Variants in GM2A observed in about 807,000 individuals in gnomAD.
The protein encoded by GM2A is GM2 ganglioside activator.
In GM2A, 7 loss-of-function variants were observed where a neutral mutation model predicts 12.9. The observed-to-expected ratio is 0.54, with a 90% CI of 0.31 to 1.02. The LOEUF is 1.02. Among genes scored for constraint, GM2A ranks in the 50% least tolerant of loss-of-function variants. GM2A has a pLI of 0.05. For missense variants in GM2A, 246 were observed against 241.0 expected (o/e 1.02, Z -0.14); for synonymous variants, 101 against 96.0 (o/e 1.05, Z -0.30).
In GM2A at chr5:151,267,406, G is replaced by A; in HGVS notation, c.537G>A (p.Lys179=). The part of the protein sequence containing the change: ...RIESVLSSSG[K]RLGCIKIAAS... Reference sequence around the variant, plus strand: ...AGAGCGTCCTGAGCAGCAGTGGGAAGCGTCTGGGCTGCATCAAGATCGCTG... The same window carrying A: ...AGAGCGTCCTGAGCAGCAGTGGGAAACGTCTGGGCTGCATCAAGATCGCTG... Residue 179 remains lysine, a synonymous_variant, in exon 4 of 4, where the codon AAG becomes AAA. Coordinates refer to ENST00000357164, the MANE Select transcript of GM2A (RefSeq NM_000405.5). 1.2e-6 allele frequency: 2 copies of A among 1,614,208 alleles called. No individual in the cohort carries two copies. Among genetic ancestry groups the A allele is most frequent in the Non-Finnish European group, 1.7e-6 (2 of 1,180,044 alleles).
At chr5:151,254,185 C>T (rs183556394) in intron 1 of GM2A, among the ~76,000 whole-genome samples, 2 of 152,266 alleles carry the variant, frequency 1.3e-5, no homozygotes, top group East Asian at 3.9e-4. Flanking sequence ...ATTTCCATAT[C>T]TTAGCTATTG....
At chr5:151,265,073 G>A (rs1042342574) in intron 2 of GM2A, among the ~76,000 whole-genome samples, 1 of 152,130 alleles carries the variant, frequency 6.6e-6, no homozygotes, top group Non-Finnish European at 1.5e-5. Flanking sequence ...GGCAGAACTA[G>A]CATTCCAACC....
At chr5:151,258,246 G>A (rs964234992) in intron 1 of GM2A, among the ~76,000 whole-genome samples, 3 of 152,234 alleles carry the variant, frequency 2.0e-5, no homozygotes, top group African/African-American at 4.8e-5. Flanking sequence ...AGGCTAGGAC[G>A]CTAATGGCTC....
At chr5:151,265,837 G>C (rs1561619702) in intron 2 of GM2A, among the ~76,000 whole-genome samples, 2 of 152,198 alleles carry the variant, frequency 1.3e-5, no homozygotes, top group Non-Finnish European at 2.9e-5. Context: ...CTGAGTCAGG[G>C]AGCCCGTACT....
At position 151,258,269 on chromosome 5, in the gene GM2A, G is replaced by A. The variant is rs142095687; in HGVS notation, c.82-1486G>A. On this transcript the variant is annotated intron_variant, in intron 1 of 3. Coordinates refer to ENST00000357164, the MANE Select transcript of GM2A (RefSeq NM_000405.5). Reference sequence around the variant, plus strand: ...ACGCTAATGGCTCCTTTAGTGAGCCGGCTCCCGTGTTGTGCCTGGCATTGG... The same window carrying A: ...ACGCTAATGGCTCCTTTAGTGAGCCAGCTCCCGTGTTGTGCCTGGCATTGG... Among the ~76,000 whole-genome samples, 306 of 152,342 alleles carry A rather than the reference G, an allele frequency of 2.0e-3. 2 individuals carry two copies. The highest frequency in any genetic ancestry group is 7.1e-3 in the African/African-American group (294 of 41,576).
rs1343456811 is a variant in GM2A, at chr5:151,267,881, C to A, written c.*430C>A. 1 of 1,149,434 alleles carries A rather than the reference C, an allele frequency of 8.7e-7. No individual in the cohort carries two copies. The allele number at this position is 1,149,434 out of a possible 1,614,324, so 71.2% of individuals were successfully genotyped here. A position where few individuals can be genotyped will look rare whatever the true frequency, so the allele number is the denominator to read the frequency against. On this transcript the variant is annotated 3_prime_UTR_variant, in exon 4 of 4. Transcript: ENST00000357164. ...ATTAACGTTTTTGTTCTCCTCCGGCCCCCTGTTACAATGAAGGGGCAAAAG... is the reference window on the plus strand; with the variant it reads ...ATTAACGTTTTTGTTCTCCTCCGGCACCCTGTTACAATGAAGGGGCAAAAG...
intron 2 of GM2A, among the ~76,000 whole-genome samples, chr5:151,261,386 A>T (rs1753795535): frequency 6.6e-6 from 1 of 152,100 alleles, no homozygotes; most frequent in Non-Finnish European, 1.5e-5. Flanking sequence ...TTATATAACA[A>T]GTCTATTGTT....
chr5:151,253,265 C>T lies in GM2A; in HGVS notation c.49C>T (p.Leu17Phe). 1 of 1,613,900 alleles carries T rather than the reference C, an allele frequency of 6.2e-7. No homozygotes were observed. Among genetic ancestry groups the T allele is most frequent in the Non-Finnish European group, 8.5e-7 (1 of 1,179,856 alleles). Reference sequence around the variant, plus strand: ...CCTCCTGATCGCCCTGGGCTTGCTTCTCGCGGCCCCTGCGCAAGCCCACCT... The same window carrying T: ...CCTCCTGATCGCCCTGGGCTTGCTTTTCGCGGCCCCTGCGCAAGCCCACCT... ...APLLIALGLL[L>F]AAPAQAHLKK... The change falls in exon 1 of 4, where the codon CTC (leucine) becomes TTC (phenylalanine). Residue 17 changes from leucine (L) to phenylalanine (F), a missense_variant. Transcript: ENST00000357164.
intron 1 of GM2A, among the ~76,000 whole-genome samples, chr5:151,256,986 T>G (rs1753701510): frequency 6.6e-6 from 1 of 152,190 alleles, no homozygotes; most frequent in South Asian, 2.1e-4. Flanking sequence ...AATAGCCCTG[T>G]GAGAAGATAT....
intron 2 of GM2A, among the ~76,000 whole-genome samples, chr5:151,261,445 T>C (rs1247597955): frequency 3.3e-5 from 5 of 151,646 alleles, no homozygotes; most frequent in Non-Finnish European, 7.4e-5. Context: ...TGTTTGTTTA[T>C]TTGTTTGTTT....
At chr5:151,264,074 G>A (rs1753842510) in intron 2 of GM2A, among the ~76,000 whole-genome samples, 1 of 152,170 alleles carries the variant, frequency 6.6e-6, no homozygotes, top group African/African-American at 2.4e-5. Flanking sequence ...CAGCCTGTGG[G>A]ACCCTGGTTT....
At chr5:151,266,654 C>G (rs1161324406) in intron 2 of GM2A, 77 bp from the exon 3 acceptor site, 2 of 1,049,932 alleles carry the variant, frequency 1.9e-6, no homozygotes, top group Admixed American at 3.5e-5. Flanking sequence ...TTTTTGAAGA[C>G]AGAAGAGCTG....
chr5:151,268,400 A>G lies in GM2A; in HGVS notation c.*949A>G. On this transcript the variant is annotated 3_prime_UTR_variant, in exon 4 of 4. Transcript: ENST00000357164. ...GATCTCTTGACCTCGTGATCTGTCC[A>G]CCTTGGCCTTGCAAAGCGCTGGATT... 3.5e-6 allele frequency: 3 copies of G among 866,592 alleles called. No individual in the cohort carries two copies. Among genetic ancestry groups the G allele is most frequent in the Non-Finnish European group, 2.8e-6 (2 of 721,636 alleles). The allele number at this position is 866,592 out of a possible 1,614,324, so 53.7% of individuals were successfully genotyped here.
At position 151,270,050 on chromosome 5, in the gene GM2A, A is replaced by G; in HGVS notation, c.*2599A>G. On this transcript the variant is annotated 3_prime_UTR_variant, in exon 4 of 4. Transcript: ENST00000357164. ...ATTCTTGACCGAATCTCAGTAGCTCAGTTAATCTTTTTATGTCTGCTCTGC... is the reference window on the plus strand; with the variant it reads ...ATTCTTGACCGAATCTCAGTAGCTCGGTTAATCTTTTTATGTCTGCTCTGC... 6 of 1,230,528 alleles carry G rather than the reference A, an allele frequency of 4.9e-6. No homozygotes were observed. Among genetic ancestry groups the G allele is most frequent in the African/African-American group, 1.5e-5 (1 of 64,520 alleles). The allele number at this position is 1,230,528 out of a possible 1,614,324, so 76.2% of individuals were successfully genotyped here. A position where few individuals can be genotyped will look rare whatever the true frequency, so the allele number is the denominator to read the frequency against.
chr5:151,253,973 G>C (rs1236090866), intron 1 of GM2A, among the ~76,000 whole-genome samples: 2 of 152,210 alleles, frequency 1.3e-5, no homozygotes, highest in African/African-American at 4.8e-5. Flanking sequence ...GCTTATTGCA[G>C]CTAGCCCAAT....
chr5:151,260,867 G>A (rs1413122436), intron 2 of GM2A, among the ~76,000 whole-genome samples: 3 of 152,000 alleles, frequency 2.0e-5, no homozygotes, highest in African/African-American at 4.8e-5. Context: ...ATTTTTATGT[G>A]TTTGTAAATA....
Position 151,266,877 on chromosome 5 carries a change from T to C in GM2A, c.390T>C (p.Arg130=), listed in dbSNP as rs1212424472. The C allele has an allele frequency of 6.2e-7, 1 of 1,613,882 alleles. No individual in the cohort carries two copies. ...GGGAGCCCTGCCCAGAGCCCCTGCG[T>C]ACCTATGGGCTTCCTTGCCACTGTC... is the stretch of plus-strand genomic sequence containing the variant. ...PTGEPCPEPL[R]TYGLPCHCPF... is the part of the protein sequence containing the mutation. The change falls in exon 3 of 4, where the codon CGT becomes CGC. Residue 130 remains arginine (R), a synonymous_variant. Coordinates refer to ENST00000357164, the MANE Select transcript of GM2A (RefSeq NM_000405.5).
chr5:151,255,215 C>T (rs371663819), intron 1 of GM2A, among the ~76,000 whole-genome samples: 1 of 152,152 alleles, frequency 6.6e-6, no homozygotes, highest in Non-Finnish European at 1.5e-5. Context: ...GTGAGAGGCC[C>T]AGCTACGCCT....
chr5:151,270,166 A>G lies in GM2A; in HGVS notation c.*2715A>G. ...CAATCGCAGGTCAAAGCAGACTTTA[A>G]TAAATGGTGCTGAGCCAACTGGAAA... On this transcript the variant is annotated 3_prime_UTR_variant, in exon 4 of 4. Transcript: ENST00000357164. 2 of 857,638 alleles carry G rather than the reference A, an allele frequency of 2.3e-6. No homozygotes were observed. The highest frequency in any genetic ancestry group is 2.9e-6 in the Non-Finnish European group (2 of 701,102). 53.1% of individuals were successfully genotyped at this position (857,638 alleles called of 1,614,324 possible). A position where few individuals can be genotyped will look rare whatever the true frequency, so the allele number is the denominator to read the frequency against.
Sources: allele counts gnomAD v4.1 joint callset (sites outside exome capture counted in the v4.1 genomes callset), GRCh38; gene constraint gnomAD v4.1.1; transcripts MANE v1.5; gene names NCBI Gene and HGNC (gene_info 2026-07-23, HGNC 2026-07-21).